The following SURF6 variants were observed in gnomAD, a reference collection of about 807,000 sequenced individuals.
SURF6 encodes surfeit 6.
SURF6 carries 28 observed loss-of-function variants against 37.5 expected under a neutral mutation model. The observed-to-expected ratio is 0.75, with a 90% CI of 0.55 to 1.02. The LOEUF (loss-of-function observed/expected upper bound fraction) is 1.02, where lower values mean the gene tolerates loss of function less well. Ranked by LOEUF, SURF6 falls within the 50% of genes least tolerant of loss-of-function variation. The probability of loss-of-function intolerance (pLI) is 0.00; values close to 1 mark genes in which losing one functional copy is unlikely to be tolerated. For synonymous variants in SURF6, 248 were observed against 210.9 expected, an observed-to-expected ratio of 1.18 and a Z score of -1.52; for missense variants, 560 against 490.5, an observed-to-expected ratio of 1.14 and a Z score of -1.34.
rs2129915899 is a variant in SURF6, at chr9:133,332,178, C to A, written c.777G>T (p.Gly259=). Residue 259 remains glycine (G), a synonymous_variant, in exon 5 of 5, where the codon GGG becomes GGT. Coordinates refer to ENST00000372022, the MANE Select transcript of SURF6 (RefSeq NM_006753.6). ...RLDELRGQDE[G]KAQELEAKMK... is the part of the protein sequence containing the mutation. ...TCTTCGCCTCCAGCTCCTGCGCCTT[C>A]CCCTCATCCTGGCCGCGCAGCTCGT... 6.2e-7 allele frequency: 1 copy of A among 1,610,308 alleles called. No homozygotes were observed. The highest frequency in any genetic ancestry group is 8.5e-7 in the Non-Finnish European group (1 of 1,179,944).
At chr9:133,335,305 C>A (rs1437493875) in intron 1 of SURF6, among the ~76,000 whole-genome samples, 1 of 144,750 alleles carries the variant, frequency 6.9e-6, no homozygotes, top group Non-Finnish European at 1.5e-5. Flanking sequence ...AAAGTAGGAG[C>A]TGAATCGTTT....
intron 3 of SURF6, 35 bp downstream of exon 3, chr9:133,333,683 G>A (rs1835803368): frequency 1.9e-6 from 3 of 1,592,730 alleles, no homozygotes; most frequent in African/African-American, 2.7e-5. Context: ...CACAGGCAGA[G>A]CAGTGACGGC....
Position 133,331,874 on chromosome 9 carries a change from C to T in SURF6, c.1081G>A (p.Val361Ile), listed in dbSNP as rs2129912110. 6.0e-6 allele frequency: 9 copies of T among 1,508,938 alleles called. No homozygotes were observed. The highest frequency in any genetic ancestry group is 7.0e-6 in the Non-Finnish European group (8 of 1,140,186). 93.5% of individuals were successfully genotyped at this position (1,508,938 alleles called of 1,614,324 possible). The change falls in exon 5 of 5, where the codon GTC becomes ATC. Residue 361 changes from valine to isoleucine, a missense_variant. Transcript: ENST00000372022. ...LPQDLERAGL[V>I] ...CGGCCCCAGGTGGGAAAGACTCAGA[C>T]CAGGCCTGCGCGCTCCAGGTCCTGC...
Position 133,332,322 on chromosome 9 carries a change from G to A in SURF6, c.633C>T (p.Ala211=). 5.0e-6 allele frequency: 8 copies of A among 1,587,856 alleles called. No homozygotes were observed. Among genetic ancestry groups the A allele is most frequent in the Non-Finnish European group, 6.8e-6 (8 of 1,169,434 alleles). ...TCTCTTTTCTGCGCTGCGCCTTGCT[G>A]GCCGGCTCGTCTTCGCTCACCTCCA... ...NKVEVSEDEP[A]SKAQRRKEKR... The change falls in exon 5 of 5, where the codon GCC becomes GCT. Residue 211 remains alanine, a synonymous_variant. Transcript: ENST00000372022.
At position 133,331,882 on chromosome 9, in the gene SURF6, G is replaced by T. The variant is rs2129912168; in HGVS notation, c.1073C>A (p.Ala358Glu). 1.3e-6 allele frequency: 2 copies of T among 1,516,996 alleles called. No individual in the cohort carries two copies. Among genetic ancestry groups the T allele is most frequent in the Middle Eastern group, 2.3e-4 (1 of 4,400 alleles). The allele number at this position is 1,516,996 out of a possible 1,614,324, so 94.0% of individuals were successfully genotyped here. A position where few individuals can be genotyped will look rare whatever the true frequency, so the allele number is the denominator to read the frequency against. ...GRILPQDLER[A>E]GLV ...GGTGGGAAAGACTCAGACCAGGCCT[G>T]CGCGCTCCAGGTCCTGCGGCAGGAT... The change falls in exon 5 of 5, where the codon GCA becomes GAA. Residue 358 changes from alanine (A) to glutamate (E), a missense_variant. Coordinates refer to ENST00000372022, the MANE Select transcript of SURF6 (RefSeq NM_006753.6).
At position 133,331,965 on chromosome 9, in the gene SURF6, G is replaced by A. The variant is rs2129913249; in HGVS notation, c.990C>T (p.Arg330=). 5.0e-6 allele frequency: 8 copies of A among 1,595,428 alleles called. No individual in the cohort carries two copies. The highest frequency in any genetic ancestry group is 2.2e-5 in the East Asian group (1 of 44,706). ...QRQDRRRQNL[R]RKKAARAERR... ...GCTCGGCGCGGGCCGCCTTCTTCCT[G>A]CGCAGGTTCTGCCGCCGCCGGTCCT... Residue 330 remains arginine (R), a synonymous_variant, in exon 5 of 5, where the codon CGC becomes CGT. Transcript: ENST00000372022.
rs1183242008 is a variant in SURF6, at chr9:133,331,759, A to G, written c.*110T>C. The G allele has an allele frequency of 1.4e-6, 2 of 1,384,718 alleles. No individual in the cohort carries two copies. Among genetic ancestry groups the G allele is most frequent in the East Asian group, 2.7e-5 (1 of 37,596 alleles). 85.8% of individuals were successfully genotyped at this position (1,384,718 alleles called of 1,614,324 possible). A position where few individuals can be genotyped will look rare whatever the true frequency, so the allele number is the denominator to read the frequency against. On this transcript the variant is annotated 3_prime_UTR_variant, in exon 5 of 5. Coordinates refer to ENST00000372022, the MANE Select transcript of SURF6 (RefSeq NM_006753.6). ...CAGAGCACCACTGTGTCCCCCTCAC[A>G]TGGAGAGGCCGAGGTCTGTGGAGAT...
rs150905531 is a variant in SURF6 at position 133,332,584 on chromosome 9, C to A, written c.570G>T (p.Thr190=). 1.2e-6 allele frequency: 2 copies of A among 1,609,570 alleles called. No homozygotes were observed. The highest frequency in any genetic ancestry group is 2.7e-5 in the African/African-American group (2 of 74,952). ...TCAGCCCGGGCGGCTCCCGCGGCTC[C>A]GTGCAGGCCCCCTCTGGGGTTGCCT... ...VVEATPEGAC[T]EPREPPGLIF... Residue 190 remains threonine (T), a synonymous_variant, in exon 4 of 5, where the codon ACG becomes ACT. Transcript: ENST00000372022.
intron 3 of SURF6, 41 bp downstream of exon 3, chr9:133,333,677 G>A: frequency 2.5e-6 from 4 of 1,588,254 alleles, no homozygotes; most frequent in Non-Finnish European, 3.5e-6. Flanking sequence ...GGAGAACACA[G>A]GCAGAGCAGT....
At position 133,336,148 on chromosome 9, in the gene SURF6, C is replaced by G; in HGVS notation, c.-16G>C. On this transcript the variant is annotated 5_prime_UTR_variant, in exon 1 of 5. Coordinates refer to ENST00000372022, the MANE Select transcript of SURF6 (RefSeq NM_006753.6). ...GAGAGGCCATGGCGGAGACCCGGGC[C>G]GTTCACGACTCACACCTTCCCCGCT... 1.9e-6 allele frequency: 3 copies of G among 1,605,912 alleles called. No individual in the cohort carries two copies. The highest frequency in any genetic ancestry group is 1.7e-6 in the Non-Finnish European group (2 of 1,176,374).
At position 133,332,258 on chromosome 9, in the gene SURF6, C is replaced by G. The variant is rs782215954; in HGVS notation, c.697G>C (p.Gly233Arg). 4 of 1,603,514 alleles carry G rather than the reference C, an allele frequency of 2.5e-6. No individual in the cohort carries two copies. The highest frequency in any genetic ancestry group is 2.5e-6 in the Non-Finnish European group (3 of 1,179,580). The change falls in exon 5 of 5, where the codon GGG becomes CGG. Residue 233 changes from glycine to arginine, a missense_variant. By Grantham distance (125) the Gly-to-Arg change is moderately radical. Coordinates refer to ENST00000372022, the MANE Select transcript of SURF6 (RefSeq NM_006753.6). ...TCCAGCAGCTGCCGGTAGTTCCTCC[C>G]GGTCAGCGGCGTGAGGTTCCCCTTC... The part of the protein sequence containing the change: ...RVKGNLTPLT[G>R]RNYRQLLERL...
Position 133,328,833 on chromosome 9 carries a change from AC to A in SURF6, c.*3035del, listed in dbSNP as rs1193375593. 6.6e-6 allele frequency: 1 copy of A among 152,194 alleles called. No homozygotes were observed. Among genetic ancestry groups the A allele is most frequent in the Non-Finnish European group, 1.5e-5 (1 of 68,054 alleles). 9.4% of individuals were successfully genotyped at this position (152,194 alleles called of 1,614,324 possible). The stretch of plus-strand genomic sequence containing the variant: ...AATCTTGACATTGGTATTTGTAGGG[AC>A]CAGCCCCACAGGGTCCGTGGGTCTC... On this transcript the variant is annotated 3_prime_UTR_variant, in exon 5 of 5. Coordinates refer to ENST00000372022, the MANE Select transcript of SURF6 (RefSeq NM_006753.6).
chr9:133,334,375 G>A lies in SURF6; in HGVS notation c.304+17C>T, dbSNP rs2129926875. On this transcript the variant is annotated intron_variant, in intron 2 of 4. Coordinates refer to ENST00000372022, the MANE Select transcript of SURF6 (RefSeq NM_006753.6). ...GCCCCGCCCTGCACAGAACCAACATGCCCTGAAGCCTCTCACCTGCAGGGT... is the reference window on the plus strand; with the variant it reads ...GCCCCGCCCTGCACAGAACCAACATACCCTGAAGCCTCTCACCTGCAGGGT... 2 of 1,599,742 alleles carry A rather than the reference G, an allele frequency of 1.3e-6. No individual in the cohort carries two copies. Among genetic ancestry groups the A allele is most frequent in the East Asian group, 4.5e-5 (2 of 44,736 alleles).
Position 133,331,816 on chromosome 9 carries a change from G to C in SURF6, c.*53C>G. The C allele has an allele frequency of 2.0e-6, 3 of 1,483,700 alleles. No homozygotes were observed. The highest frequency in any genetic ancestry group is 2.7e-6 in the Non-Finnish European group (3 of 1,127,230). The allele number at this position is 1,483,700 out of a possible 1,614,324, so 91.9% of individuals were successfully genotyped here. On this transcript the variant is annotated 3_prime_UTR_variant, in exon 5 of 5. Coordinates refer to ENST00000372022, the MANE Select transcript of SURF6 (RefSeq NM_006753.6). Reference sequence around the variant, plus strand: ...ACAGAGCCAGCGTCAAGGACTCAGAGGGTGTCCTGGAGTCTCCTAGGACGG... The same window carrying C: ...ACAGAGCCAGCGTCAAGGACTCAGACGGTGTCCTGGAGTCTCCTAGGACGG...
rs1206262942 is a variant in SURF6, at chr9:133,330,226, C to G, written c.*1643G>C. The G allele has an allele frequency of 2.0e-5, 3 of 152,182 alleles. No individual in the cohort carries two copies. The highest frequency in any genetic ancestry group is 4.4e-5 in the Non-Finnish European group (3 of 68,044). The allele number at this position is 152,182 out of a possible 1,614,324, so 9.4% of individuals were successfully genotyped here. On this transcript the variant is annotated 3_prime_UTR_variant, in exon 5 of 5. Coordinates refer to ENST00000372022, the MANE Select transcript of SURF6 (RefSeq NM_006753.6). ...TATGTTTTTTTGTGCTGCTTTAGCT[C>G]TGTTCCACAAATCTTAAATTTTTTC...
intron 2 of SURF6, 42 bp downstream of exon 2, chr9:133,334,350 G>C: frequency 6.5e-7 from 1 of 1,535,520 alleles, no homozygotes; most frequent in Non-Finnish European, 8.8e-7. Context: ...CCCAGCCCCA[G>C]CCCCGCCCTG....
chr9:133,332,139 GT>G lies in SURF6; in HGVS notation c.815del (p.Asn272ThrfsTer9), dbSNP rs2129915568. On this transcript the variant is annotated frameshift_variant, in exon 5 of 5. Transcript: ENST00000372022. LOFTEE classifies it high-confidence loss of function. ...QELEAKMKWT[N>X]LLYKAEGVKI... ...TCACGCCCTCCGCCTTGTAGAGGAG[GT>G]TGGTCCACTTCATCTTCGCCTCCAG... 6.2e-7 allele frequency: 1 copy of G among 1,610,924 alleles called. No homozygotes were observed. The highest frequency in any genetic ancestry group is 1.1e-5 in the South Asian group (1 of 91,090).
intron 1 of SURF6, among the ~76,000 whole-genome samples, chr9:133,335,186 C>G (rs640823): frequency 1.3e-5 from 2 of 152,092 alleles, no homozygotes; most frequent in Non-Finnish European, 2.9e-5. Context: ...TCTTGATCTT[C>G]TGATCTTGTG....
At position 133,331,836 on chromosome 9, in the gene SURF6, GGAC is replaced by G; in HGVS notation, c.*30_*32del. ...TCAGAGGGTGTCCTGGAGTCTCCTAGGACGGAAGACGGCGGCCCCAGGTGGGAA... is the reference window on the plus strand; with the variant it reads ...TCAGAGGGTGTCCTGGAGTCTCCTAGGGAAGACGGCGGCCCCAGGTGGGAA... On this transcript the variant is annotated 3_prime_UTR_variant, in exon 5 of 5. Transcript: ENST00000372022. 1.3e-6 allele frequency: 2 copies of G among 1,496,452 alleles called. No individual in the cohort carries two copies. The highest frequency in any genetic ancestry group is 1.8e-6 in the Non-Finnish European group (2 of 1,133,504). 92.7% of individuals were successfully genotyped at this position (1,496,452 alleles called of 1,614,324 possible).
Sources: gnomAD v4.1 joint callset for allele counts (sites outside exome capture counted in the v4.1 genomes callset) on GRCh38, gnomAD v4.1.1 for gene constraint, MANE v1.5 for transcripts, NCBI Gene and HGNC (gene_info 2026-07-23, HGNC 2026-07-21) for gene names.